The following OXR1 variants were observed in gnomAD, a reference collection of about 807,000 sequenced individuals.
OXR1 encodes oxidation resistance 1.
A neutral mutation model predicts 104.6 loss-of-function variants in OXR1; 41 were observed. The ratio of observed to expected loss-of-function variants is 0.39; its 90% CI spans 0.31 to 0.51. The LOEUF (loss-of-function observed/expected upper bound fraction) is 0.51. OXR1 is among the 20% of genes least tolerant of loss of function. OXR1 has a pLI of 0.77. For synonymous variants in OXR1, 348 were observed against 348.4 expected, an observed-to-expected ratio of 1.00 and a Z score of 0.01; for missense variants, 955 against 1,031.9, an observed-to-expected ratio of 0.93 and a Z score of 1.02.
At chr8:106,566,644 C>A (rs527754330) in intron 3 of OXR1, among the ~76,000 whole-genome samples, 4 of 152,314 alleles carry the variant, frequency 2.6e-5, no homozygotes, top group Non-Finnish European at 5.9e-5. Context: ...GATTATAAAT[C>A]ATTCCACTAT....
chr8:106,689,577 A>C (rs998846173), intron 6 of OXR1, among the ~76,000 whole-genome samples: 1 of 151,898 alleles, frequency 6.6e-6, no homozygotes, highest in African/African-American at 2.4e-5. Context: ...AGAATTTTAT[A>C]TTTTTTGTCT....
At chr8:106,438,244 A>C (rs1819658363) in intron 2 of OXR1, among the ~76,000 whole-genome samples, 1 of 152,104 alleles carries the variant, frequency 6.6e-6, no homozygotes, top group Non-Finnish European at 1.5e-5. Context: ...GAGTCATCTA[A>C]ATAAAGAAAG....
At chr8:106,536,357 A>G (rs971952279) in intron 3 of OXR1, among the ~76,000 whole-genome samples, 2 of 152,204 alleles carry the variant, frequency 1.3e-5, no homozygotes, top group Non-Finnish European at 2.9e-5. Flanking sequence ...GTTCCCACCA[A>G]TGTACAAACC....
chr8:106,474,012 TACACACACACACAC>T (rs199751152), intron 2 of OXR1, among the ~76,000 whole-genome samples: 148 of 137,408 alleles, frequency 1.1e-3, no homozygotes, highest in African/African-American at 2.6e-3. Context: ...TGTATATTTA[TACACACACACACAC>T]ACACACACAC....
At chr8:106,321,968 A>G (rs1426253208) in intron 1 of OXR1, among the ~76,000 whole-genome samples, 2 of 152,244 alleles carry the variant, frequency 1.3e-5, no homozygotes, top group Non-Finnish European at 2.9e-5. Flanking sequence ...CAGCAATAAC[A>G]AAACTTTATT....
chr8:106,696,665 A>G (rs539084483), intron 7 of OXR1, among the ~76,000 whole-genome samples: 2 of 152,278 alleles, frequency 1.3e-5, no homozygotes, highest in African/African-American at 2.4e-5. Flanking sequence ...ATAGATCCGT[A>G]GTGGTAATAT....
chr8:106,281,035 A>G (rs1187587736), intron 1 of OXR1, among the ~76,000 whole-genome samples: 1 of 152,104 alleles, frequency 6.6e-6, no homozygotes, highest in African/African-American at 2.4e-5. Context: ...AAAATCCCAC[A>G]TACCACCCCA....
intron 3 of OXR1, among the ~76,000 whole-genome samples, chr8:106,677,553 T>A (rs757947169): frequency 2.0e-5 from 3 of 152,142 alleles, no homozygotes; most frequent in Non-Finnish European, 4.4e-5. Flanking sequence ...GAAATGATAT[T>A]TCAGTATAGT....
At chr8:106,340,773 A>T (rs1815211328) in intron 1 of OXR1, among the ~76,000 whole-genome samples, 1 of 152,212 alleles carries the variant, frequency 6.6e-6, no homozygotes, top group Non-Finnish European at 1.5e-5. Context: ...ATGAATAAGG[A>T]ATAGAAAACC....
At chr8:106,575,199 C>T (rs887650978) in intron 3 of OXR1, among the ~76,000 whole-genome samples, 1 of 152,062 alleles carries the variant, frequency 6.6e-6, no homozygotes. Flanking sequence ...CTACTATCAT[C>T]ATCTTTATGC....
intron 3 of OXR1, among the ~76,000 whole-genome samples, chr8:106,533,990 G>A (rs891346867): frequency 6.6e-6 from 1 of 152,158 alleles, no homozygotes; most frequent in African/African-American, 2.4e-5. Context: ...TAGGATTACA[G>A]GCGTGAACCA....
chr8:106,296,944 A>G (rs935577464), intron 1 of OXR1, among the ~76,000 whole-genome samples: 2 of 152,210 alleles, frequency 1.3e-5, no homozygotes, highest in Admixed American at 6.5e-5. Flanking sequence ...TGAAAAAGTT[A>G]GTCTTCATCT....
intron 2 of OXR1, among the ~76,000 whole-genome samples, chr8:106,486,810 T>G (rs1391933153): frequency 1.3e-5 from 2 of 152,050 alleles, no homozygotes; most frequent in Non-Finnish European, 2.9e-5. Context: ...AGTACAGCAG[T>G]TAAATTCATA....
intron 2 of OXR1, among the ~76,000 whole-genome samples, chr8:106,369,800 C>G (rs1816630942): frequency 6.6e-6 from 1 of 152,098 alleles, no homozygotes; most frequent in South Asian, 2.1e-4. Flanking sequence ...GTTACTGTAG[C>G]CTTGTAATAT....
At chr8:106,738,090 A>C (rs2131559950) in intron 12 of OXR1, among the ~76,000 whole-genome samples, 1 of 152,294 alleles carries the variant, frequency 6.6e-6, no homozygotes, top group Non-Finnish European at 1.5e-5. Context: ...AGTACATTGG[A>C]ATAGTACAGT....
At chr8:106,296,159 T>C (rs1213330808) in intron 1 of OXR1, among the ~76,000 whole-genome samples, 1 of 152,190 alleles carries the variant, frequency 6.6e-6, no homozygotes, top group Non-Finnish European at 1.5e-5. Flanking sequence ...TCGAGTCTCA[T>C]GGGCTTATAA....
chr8:106,568,108 A>T (rs932393435), intron 3 of OXR1, among the ~76,000 whole-genome samples: 11 of 152,078 alleles, frequency 7.2e-5, no homozygotes, highest in African/African-American at 2.7e-4. Flanking sequence ...TGACTTTGTT[A>T]TATCTTGTTT....
chr8:106,733,663 C>T (rs1030317183), intron 11 of OXR1, among the ~76,000 whole-genome samples: 4 of 151,312 alleles, frequency 2.6e-5, no homozygotes, highest in African/African-American at 9.7e-5. Flanking sequence ...AAAAATTAGC[C>T]GTGCGTGGTG....
chr8:106,672,869 C>G (rs778764133), intron 3 of OXR1, among the ~76,000 whole-genome samples: 4 of 152,158 alleles, frequency 2.6e-5, no homozygotes, highest in Non-Finnish European at 5.9e-5. Context: ...TTGCTTCCCC[C>G]TTTGCTTTCT....
Sources: gnomAD v4.1 joint callset for allele counts (sites outside exome capture counted in the v4.1 genomes callset) on GRCh38, gnomAD v4.1.1 for gene constraint, MANE v1.5 for transcripts, NCBI Gene and HGNC (gene_info 2026-07-23, HGNC 2026-07-21) for gene names.